ZNF462: variants seen among roughly 807,000 people sequenced by gnomAD.
ZNF462 encodes zinc finger PBX1-interacting protein.
Under a neutral mutation model 201.9 loss-of-function variants are expected in ZNF462, and 10 were observed. That is an observed-to-expected ratio of 0.05 (90% CI 0.03 to 0.08). The LOEUF (loss-of-function observed/expected upper bound fraction) is 0.08, where lower values mean the gene tolerates loss of function less well. Ranked by LOEUF, ZNF462 falls within the 10% of genes least tolerant of loss-of-function variation. The pLI is 1.00. For synonymous variants in ZNF462, 1,227 were observed against 1,193.3 expected (o/e 1.03, Z -0.58); for missense variants, 2,523 against 3,168.3 (o/e 0.80, Z 4.89).
At chr9:106,887,772 C>A (rs1828385685) in intron 1 of ZNF462, among the ~76,000 whole-genome samples, 1 of 152,112 alleles carries the variant, frequency 6.6e-6, no homozygotes, top group South Asian at 2.1e-4. Context: ...CTCTAGATTT[C>A]AAATAGAATG....
intron 1 of ZNF462, among the ~76,000 whole-genome samples, chr9:106,875,111 C>G (rs1282001230): frequency 6.6e-6 from 1 of 152,162 alleles, no homozygotes; most frequent in African/African-American, 2.4e-5. Flanking sequence ...TTTGAAGCAG[C>G]TTCTCAACGG....
intron 1 of ZNF462, among the ~76,000 whole-genome samples, chr9:106,891,942 A>C (rs572855083): frequency 6.6e-6 from 1 of 152,226 alleles, no homozygotes; most frequent in African/African-American, 2.4e-5. Flanking sequence ...CAGAAGAACC[A>C]TTTTCCTTTC....
At chr9:106,907,157 G>A (rs1353447127) in intron 1 of ZNF462, among the ~76,000 whole-genome samples, 1 of 152,064 alleles carries the variant, frequency 6.6e-6, no homozygotes, top group Non-Finnish European at 1.5e-5. Context: ...CTTGATCTTG[G>A]AGGGATATTT....
rs866035865 is a variant in ZNF462, at chr9:106,899,245, G to T, written c.-30-24109G>T. Among the ~76,000 whole-genome samples the T allele has an allele frequency of 4.9e-4, 70 of 141,840 alleles. 3 individuals carry two copies. Among genetic ancestry groups the T allele is most frequent in the African/African-American group, 1.7e-3 (66 of 38,826 alleles). 93.1% of individuals were successfully genotyped at this position (141,840 alleles called of 152,430 possible). On this transcript the variant is annotated intron_variant, in intron 1 of 12. Transcript: ENST00000277225. ...GTGTGTATGTGTGTGTGTGTGGGGG[G>T]GGGGGGGTGTGTGCATGCATGCATG...
chr9:106,909,032 G>A (rs1296016975), intron 1 of ZNF462, among the ~76,000 whole-genome samples: 1 of 127,878 alleles, frequency 7.8e-6, no homozygotes, highest in African/African-American at 3.1e-5. Flanking sequence ...ACATGATCTC[G>A]GCTCACTGCA....
intron 1 of ZNF462, among the ~76,000 whole-genome samples, chr9:106,906,206 T>C (rs993336535): frequency 1.3e-5 from 2 of 152,146 alleles, no homozygotes; most frequent in Non-Finnish European, 2.9e-5. Flanking sequence ...GGTCTCCCTT[T>C]CCCATTTCTG....
chr9:106,901,622 G>A (rs1415717254), intron 1 of ZNF462, among the ~76,000 whole-genome samples: 1 of 151,972 alleles, frequency 6.6e-6, no homozygotes, highest in African/African-American at 2.4e-5. Flanking sequence ...TCCTTGTAGG[G>A]GTGTTTTGCC....
At chr9:106,969,259 A>G (rs1005029195) in intron 7 of ZNF462, among the ~76,000 whole-genome samples, 1 of 152,188 alleles carries the variant, frequency 6.6e-6, no homozygotes, top group Non-Finnish European at 1.5e-5. Flanking sequence ...ACATGGACGC[A>G]TTAGCTGTTC....
At position 106,984,047 on chromosome 9, in the gene ZNF462, G is replaced by A. The variant is rs1272728249; in HGVS notation, c.6833-139G>A. 7.1e-6 allele frequency: 5 copies of A among 701,246 alleles called. No individual in the cohort carries two copies. Among genetic ancestry groups the A allele is most frequent in the Non-Finnish European group, 1.2e-5 (5 of 419,744 alleles). The allele number at this position is 701,246 out of a possible 1,614,324, so 43.4% of individuals were successfully genotyped here. On this transcript the variant is annotated intron_variant, in intron 9 of 12. Coordinates refer to ENST00000277225, the MANE Select transcript of ZNF462 (RefSeq NM_021224.6). The surrounding 1 kb of genome is among the most constrained non-coding windows in gnomAD (Gnocchi z 6.4). Reference sequence around the variant, plus strand: ...GTTTGGGGGTTAGGGGAGGGGCAGGGTGCATGTGTGTCAGTTCAAGGAACC... The same window carrying A: ...GTTTGGGGGTTAGGGGAGGGGCAGGATGCATGTGTGTCAGTTCAAGGAACC...
chr9:106,962,009 G>A lies in ZNF462; in HGVS notation c.6428-9996G>A, dbSNP rs1332783492. Reference sequence around the variant, plus strand: ...GGAAACAGTGTGGGCAAGGGAGTGAGGATCGGCCTGGAAAGATGAAGGAGA... The same window carrying A: ...GGAAACAGTGTGGGCAAGGGAGTGAAGATCGGCCTGGAAAGATGAAGGAGA... On this transcript the variant is annotated intron_variant, in intron 7 of 12. Transcript: ENST00000277225. This position sits in a 1 kb window ranked among gnomAD's most constrained non-coding sequence, Gnocchi z 4.6. 6.6e-6 allele frequency among the ~76,000 whole-genome samples: 1 copy of A among 152,062 alleles called. No homozygotes were observed. The highest frequency in any genetic ancestry group is 2.4e-5 in the African/African-American group (1 of 41,420).
At chr9:106,996,535 G>T (rs1281232412) in intron 10 of ZNF462, among the ~76,000 whole-genome samples, 1 of 152,100 alleles carries the variant, frequency 6.6e-6, no homozygotes, top group Admixed American at 6.5e-5. Context: ...ATCTCATTGT[G>T]GTTTTGATTT....
At chr9:106,866,428 ATTG>A (rs1167044365) in intron 1 of ZNF462, among the ~76,000 whole-genome samples, 2 of 152,126 alleles carry the variant, frequency 1.3e-5, no homozygotes, top group South Asian at 2.1e-4. Context: ...ATTGAGGGTT[ATTG>A]TTCTTCTGAG....
rs142323522 is a variant in ZNF462, at chr9:106,883,289, G to T, written c.-31+19934G>T. ...TCTAATGCCATATGCTTCCTGGAAC[G>T]CATTCTAATATAAAGTATGTGTTAA... On this transcript the variant is annotated intron_variant, in intron 1 of 12. Transcript: ENST00000277225. This position sits in a 1 kb window ranked among gnomAD's most constrained non-coding sequence, Gnocchi z 4.9. Among the ~76,000 whole-genome samples the T allele has an allele frequency of 2.6e-5, 4 of 152,174 alleles. No homozygotes were observed. Among genetic ancestry groups the T allele is most frequent in the Admixed American group, 2.6e-4 (4 of 15,276 alleles).
chr9:106,969,846 G>A (rs1392061054), intron 7 of ZNF462, among the ~76,000 whole-genome samples: 2 of 152,180 alleles, frequency 1.3e-5, no homozygotes, highest in Non-Finnish European at 2.9e-5. Flanking sequence ...AGAGCTAAGA[G>A]TGCAAACTAG....
intron 1 of ZNF462, among the ~76,000 whole-genome samples, chr9:106,869,446 G>T (rs1827492187): frequency 6.6e-6 from 1 of 152,168 alleles, no homozygotes; most frequent in African/African-American, 2.4e-5. Flanking sequence ...GGGTGCAATG[G>T]GTTTCCACTT....
At chr9:106,921,470 C>T (rs751041610) in intron 1 of ZNF462, among the ~76,000 whole-genome samples, 2 of 152,236 alleles carry the variant, frequency 1.3e-5, no homozygotes, top group East Asian at 1.9e-4. Flanking sequence ...ATGTTGTGCA[C>T]GGAGGAGAAG....
rs2131759283 is a variant in ZNF462, at chr9:106,950,336, G to T, written c.6427+11229G>T. On this transcript the variant is annotated intron_variant, in intron 7 of 12. Coordinates refer to ENST00000277225, the MANE Select transcript of ZNF462 (RefSeq NM_021224.6). This position sits in a 1 kb window ranked among gnomAD's most constrained non-coding sequence, Gnocchi z 4.1. ...TAGAGCCACAACCAATGTGCTAGAA[G>T]TTGCAAATAGCTGCAGTCTATCTTA... 6.6e-6 allele frequency among the ~76,000 whole-genome samples: 1 copy of T among 152,350 alleles called. No homozygotes were observed. Among genetic ancestry groups the T allele is most frequent in the South Asian group, 2.1e-4 (1 of 4,828 alleles).
intron 1 of ZNF462, among the ~76,000 whole-genome samples, chr9:106,901,248 G>T (rs750432797): frequency 6.6e-6 from 1 of 152,006 alleles, no homozygotes; most frequent in African/African-American, 2.4e-5. Context: ...ATTATTTCTG[G>T]GTTCTCTATT....
Position 106,925,241 on chromosome 9 carries a change from T to C in ZNF462, c.1329T>C (p.Phe443=), listed in dbSNP as rs753405608. 5.6e-6 allele frequency: 9 copies of C among 1,614,164 alleles called. No individual in the cohort carries two copies. Among genetic ancestry groups the C allele is most frequent in the Middle Eastern group, 3.3e-4 (2 of 6,062 alleles). The part of the protein sequence containing the change: ...RRFMNRFQCP[F]CPFLTMHRRS... The stretch of plus-strand genomic sequence containing the variant: ...TCATGAATAGGTTCCAGTGCCCCTT[T>C]TGTCCTTTCCTCACCATGCATCGAC... The change falls in exon 3 of 13, where the codon TTT becomes TTC. Residue 443 remains phenylalanine (F), a synonymous_variant. Coordinates refer to ENST00000277225, the MANE Select transcript of ZNF462 (RefSeq NM_021224.6). The surrounding 1 kb of genome is among the most constrained non-coding windows in gnomAD (Gnocchi z 7.9).
Sources: gnomAD v4.1 joint callset for allele counts (sites outside exome capture counted in the v4.1 genomes callset) on GRCh38, gnomAD v4.1.1 for gene constraint, Gnocchi (gnomAD v3.1) non-coding constraint, MANE v1.5 for transcripts, NCBI Gene and HGNC (gene_info 2026-07-23, HGNC 2026-07-21) for gene names.